Variants in CLOCK observed in about 807,000 individuals in gnomAD.
The protein encoded by CLOCK is clock circadian regulator, also known as circadian locomoter output cycles protein kaput.
In CLOCK, 43 loss-of-function variants were observed where a neutral mutation model predicts 118.4. That is an observed-to-expected ratio of 0.36 (90% CI 0.28 to 0.47). The LOEUF (loss-of-function observed/expected upper bound fraction) is 0.47, where lower values mean the gene tolerates loss of function less well. CLOCK is among the 20% of genes least tolerant of loss of function. The pLI, the probability that CLOCK is intolerant of heterozygous loss-of-function variation, is 1.00. For synonymous variants in CLOCK, 326 were observed against 339.2 expected (o/e 0.96, Z 0.43); for missense variants, 846 against 999.9 (o/e 0.85, Z 2.08).
intron 2 of CLOCK, among the ~76,000 whole-genome samples, chr4:55,508,932 G>T (rs1326438534): frequency 1.3e-5 from 2 of 152,136 alleles, no homozygotes; most frequent in African/African-American, 2.4e-5. Flanking sequence ...ATCTGTCATT[G>T]TGTCAACATC....
At chr4:55,448,601 C>CGCGTGTGT (rs764071880) in intron 18 of CLOCK, among the ~76,000 whole-genome samples, 178 bp downstream of exon 18, 35 of 117,038 alleles carry the variant, frequency 3.0e-4, no homozygotes, top group Middle Eastern at 5.1e-3. Context: ...CGCACGCGCG[C>CGCGTGTGT]GTGTGTGTGT....
chr4:55,511,997 C>T (rs57534063), intron 1 of CLOCK, among the ~76,000 whole-genome samples: 2,581 of 151,484 alleles, frequency 0.017, 74 homozygotes, highest in African/African-American at 0.058. Context: ...ACAGTTTATC[C>T]GCTCACATAA....
At chr4:55,531,770 T>C in intron 1 of CLOCK, among the ~76,000 whole-genome samples, 1 of 94,498 alleles carries the variant, frequency 1.1e-5, no homozygotes, top group Non-Finnish European at 2.2e-5. Context: ...TCCAAAGAAC[T>C]AAAATGGGAG....
At chr4:55,507,846 A>T (rs1267661128) in intron 2 of CLOCK, among the ~76,000 whole-genome samples, 3 of 152,090 alleles carry the variant, frequency 2.0e-5, no homozygotes, top group Non-Finnish European at 4.4e-5. Flanking sequence ...CTAACTGTGG[A>T]GTTGAGAAAT....
rs1731326000 is a variant in CLOCK at position 55,542,365 on chromosome 4, TAATAATAATAATAA to T, written c.-290+4403_-290+4416del. On this transcript the variant is annotated intron_variant, in intron 1 of 22. Coordinates refer to ENST00000513440, the MANE Select transcript of CLOCK (RefSeq NM_004898.4). ...TCTCAAATAATAATAATAATAATAA[TAATAATAATAATAA>T]TATTATTATTATTATTATTATTAAT... Among the ~76,000 whole-genome samples, 13 of 66,532 alleles carry T rather than the reference TAATAATAATAATAA, an allele frequency of 2.0e-4. No individual in the cohort carries two copies. In the South Asian group the frequency reaches 4.6e-3, roughly 23 times the overall value. 43.6% of individuals were successfully genotyped at this position (66,532 alleles called of 152,430 possible). A position where few individuals can be genotyped will look rare whatever the true frequency, so the allele number is the denominator to read the frequency against.
At chr4:55,475,679 A>G (rs1560443428) in intron 7 of CLOCK, among the ~76,000 whole-genome samples, 1 of 152,204 alleles carries the variant, frequency 6.6e-6, no homozygotes, top group African/African-American at 2.4e-5. Context: ...ACCAGCAAAA[A>G]GATTAAGACT....
intron 4 of CLOCK, 61 bp from the exon 5 acceptor site, chr4:55,479,760 T>A (rs1726790203): frequency 7.6e-7 from 1 of 1,323,534 alleles, no homozygotes. Context: ...AATACTAAAG[T>A]GACATGTAAA....
chr4:55,527,282 G>C (rs965179801), intron 1 of CLOCK, among the ~76,000 whole-genome samples: 1 of 152,144 alleles, frequency 6.6e-6, no homozygotes, highest in Non-Finnish European at 1.5e-5. Flanking sequence ...AACGAGAGTT[G>C]TTGAGTAAAT....
intron 1 of CLOCK, among the ~76,000 whole-genome samples, chr4:55,511,972 T>C (rs1026305103): frequency 4.6e-5 from 7 of 151,958 alleles, no homozygotes; most frequent in African/African-American, 1.7e-4. Flanking sequence ...ATATATTCCA[T>C]TGTCTGAATA....
chr4:55,445,577 ATATTCTTTT>A (rs1376789476), intron 18 of CLOCK, among the ~76,000 whole-genome samples: 3 of 72,922 alleles, frequency 4.1e-5, no homozygotes, highest in African/African-American at 1.4e-4. Flanking sequence ...TGCTATTTCT[ATATTCTTTT>A]TTTTTTTTTT....
At chr4:55,472,545 A>G (rs1156537086) in intron 7 of CLOCK, among the ~76,000 whole-genome samples, 1 of 152,238 alleles carries the variant, frequency 6.6e-6, no homozygotes, top group Non-Finnish European at 1.5e-5. Context: ...GTTTACTTAA[A>G]TGGCTCTCGA....
chr4:55,534,371 A>G (rs1295270112), intron 1 of CLOCK, among the ~76,000 whole-genome samples: 1 of 152,152 alleles, frequency 6.6e-6, no homozygotes, highest in African/African-American at 2.4e-5. Context: ...TACAGCAATA[A>G]ACCTAATGAA....
chr4:55,514,570 T>A (rs1729369529), intron 1 of CLOCK, among the ~76,000 whole-genome samples: 1 of 151,382 alleles, frequency 6.6e-6, no homozygotes. Flanking sequence ...GAAGTTTCTC[T>A]CTATTCCAAG....
chr4:55,467,147 G>C (rs185432088), intron 8 of CLOCK, among the ~76,000 whole-genome samples: 12 of 152,220 alleles, frequency 7.9e-5, no homozygotes, highest in Admixed American at 5.9e-4. Context: ...AAGGTGACAG[G>C]GTTTTTATTG....
At position 55,481,326 on chromosome 4, in the gene CLOCK, C is replaced by T. The variant is rs1726922558; in HGVS notation, c.47+1413G>A. Among the ~76,000 whole-genome samples the T allele has an allele frequency of 2.6e-5, 4 of 152,094 alleles. 1 individual carries two copies. The highest frequency in any genetic ancestry group is 2.6e-4 in the Admixed American group (4 of 15,264). On this transcript the variant is annotated intron_variant, in intron 4 of 22. Transcript: ENST00000513440. ...AATTTTCCGAGAACAGAGTTCATAA[C>T]TTCCATGACATTCAGAGATAAGGAA...
chr4:55,531,904 AAAAAAC>A (rs937148244), intron 1 of CLOCK, among the ~76,000 whole-genome samples: 6 of 151,218 alleles, frequency 4.0e-5, no homozygotes, highest in African/African-American at 7.3e-5. Flanking sequence ...TAAATGTTAA[AAAAAAC>A]AAAAACAAAA....
chr4:55,473,542 A>C (rs367674160), intron 7 of CLOCK, among the ~76,000 whole-genome samples: 1 of 152,310 alleles, frequency 6.6e-6, no homozygotes, highest in East Asian at 1.9e-4. Flanking sequence ...AAATAACTCA[A>C]TTTGCAAAAT....
chr4:55,453,602 A>C (rs1170806832), intron 14 of CLOCK, 75 bp downstream of exon 14: 1 of 1,273,378 alleles, frequency 7.9e-7, no homozygotes, highest in African/African-American at 1.5e-5. Context: ...TTAACAACTT[A>C]CGCATAAAAG....
chr4:55,492,357 T>TAAAAAAAAA (rs369193423), intron 2 of CLOCK, among the ~76,000 whole-genome samples: 7 of 141,804 alleles, frequency 4.9e-5, no homozygotes, highest in East Asian at 2.1e-4. Flanking sequence ...CTATTCATGA[T>TAAAAAAAAA]AAAAAAAAAA....
Sources: gnomAD v4.1 joint callset for allele counts (sites outside exome capture counted in the v4.1 genomes callset) on GRCh38, gnomAD v4.1.1 for gene constraint, MANE v1.5 for transcripts, NCBI Gene and HGNC (gene_info 2026-07-23, HGNC 2026-07-21) for gene names.